The following SLC9B2 variants were observed in gnomAD, a reference collection of about 807,000 sequenced individuals.
SLC9B2 encodes the protein solute carrier family 9 member B2.
SLC9B2 carries 39 observed loss-of-function variants against 52.2 expected under a neutral mutation model. The observed-to-expected ratio is 0.75, with a 90% confidence interval of 0.58 to 0.98. SLC9B2 has a LOEUF of 0.98. Among genes scored for constraint, SLC9B2 ranks in the 50% least tolerant of loss-of-function variants. SLC9B2 has a pLI of 0.00. For missense variants in SLC9B2, 626 were observed against 637.5 expected (o/e 0.98, Z 0.19); for synonymous variants, 214 against 227.0 (o/e 0.94, Z 0.51).
intron 3 of SLC9B2, among the ~76,000 whole-genome samples, chr4:103,062,767 T>A (rs1745780661): frequency 6.6e-6 from 1 of 152,124 alleles, no homozygotes; most frequent in South Asian, 2.1e-4. Flanking sequence ...CCCACCACCA[T>A]GCATGGCTAA....
rs1013842675 is a variant in SLC9B2, at chr4:103,023,504, A to T, written c.*2866T>A. On this transcript the variant is annotated 3_prime_UTR_variant, in exon 12 of 12. Transcript: ENST00000394785. The stretch of plus-strand genomic sequence containing the variant: ...TGTGGTGACAAACCCCGGCCTTCAC[A>T]TGGTGAGCCCTGCTGAATGGTCAGC... 1.3e-5 allele frequency among the ~76,000 whole-genome samples: 2 copies of T among 152,224 alleles called. No individual in the cohort carries two copies. Among genetic ancestry groups the T allele is most frequent in the Non-Finnish European group, 1.5e-5 (1 of 68,038 alleles).
chr4:103,061,686 G>A (rs1175994671), intron 3 of SLC9B2, among the ~76,000 whole-genome samples: 1 of 152,106 alleles, frequency 6.6e-6, no homozygotes, highest in Non-Finnish European at 1.5e-5. Context: ...GTTCCCTGAG[G>A]TTTGGTAGAA....
intron 1 of SLC9B2, among the ~76,000 whole-genome samples, chr4:103,068,011 G>A (rs544658154): frequency 5.6e-4 from 85 of 152,242 alleles, no homozygotes; most frequent in African/African-American, 2.0e-3. Flanking sequence ...CCTTTTCGGA[G>A]AATCTAGAGT....
At chr4:103,072,825 C>T (rs1037394289) in intron 1 of SLC9B2, among the ~76,000 whole-genome samples, 8 of 151,984 alleles carry the variant, frequency 5.3e-5, no homozygotes, top group African/African-American at 1.7e-4. Context: ...TGTTTGTGTC[C>T]CTCCAAAATT....
At chr4:103,049,065 T>G (rs1578460408) in intron 5 of SLC9B2, 45 bp from the exon 6 acceptor site, 1 of 1,599,244 alleles carries the variant, frequency 6.3e-7, no homozygotes, top group Non-Finnish European at 8.5e-7. Flanking sequence ...TCTGAAGATG[T>G]GCAGAGAAGA....
chr4:103,020,358 C>A (rs932169763), downstream of SLC9B2: 2 of 446,722 alleles, frequency 4.5e-6, no homozygotes, highest in Admixed American at 5.0e-5. Context: ...GCCTTTCAGT[C>A]CCAAAGTTTC....
chr4:103,073,141 A>G (rs1746815648), intron 1 of SLC9B2, among the ~76,000 whole-genome samples: 1 of 152,234 alleles, frequency 6.6e-6, no homozygotes, highest in Non-Finnish European at 1.5e-5. Context: ...CAGAACTGTG[A>G]GAAATAAATT....
rs1742435663 is a variant in SLC9B2, at chr4:103,028,752, C to A, written c.1387G>T (p.Val463Phe). ...ISFAWLPKAT[V>F]QAAIGSVALD... ...AGCCATCCTATCCATCATACCTGAA[C>A]TGTGGCCTTTGGAAGCCATGCAAAA... Residue 463 changes from valine to phenylalanine, a missense_variant, in exon 11 of 12, where the codon GTT (valine) becomes TTT (phenylalanine). Transcript: ENST00000394785. 1 of 1,607,984 alleles carries A rather than the reference C, an allele frequency of 6.2e-7. No individual in the cohort carries two copies. The highest frequency in any genetic ancestry group is 8.5e-7 in the Non-Finnish European group (1 of 1,177,962).
At position 103,038,288 on chromosome 4, in the gene SLC9B2, C is replaced by T. The variant is rs188418326; in HGVS notation, c.1146+5008G>A. Among the ~76,000 whole-genome samples the T allele has an allele frequency of 2.6e-5, 4 of 152,244 alleles. No individual in the cohort carries two copies. The East Asian group carries it at 7.7e-4, about 29-fold the overall frequency. ...GAAGTCCTCAAATGTGTTTCATATA[C>T]TCAGAATACAAATGAAAGTAGGACT... On this transcript the variant is annotated intron_variant, in intron 9 of 11. Transcript: ENST00000394785.
Position 103,047,240 on chromosome 4 carries a change from A to G in SLC9B2, c.714-14T>C. ...CCTAAAACAAAACTAGGCAGACAGC[A>G]TTTTAAACATTTATGATAACATCTT... On this transcript the variant is annotated splice_polypyrimidine_tract_variant and intron_variant, in intron 6 of 11. Coordinates refer to ENST00000394785, the MANE Select transcript of SLC9B2 (RefSeq NM_178833.7). 1 of 1,597,124 alleles carries G rather than the reference A, an allele frequency of 6.3e-7. No homozygotes were observed. The highest frequency in any genetic ancestry group is 8.5e-7 in the Non-Finnish European group (1 of 1,170,106).
At position 103,026,602 on chromosome 4, in the gene SLC9B2, T is replaced by C. The variant is rs745811652; in HGVS notation, c.1393-11A>G. ...AGATCCTATTGCAGCCTATAAAAGT[T>C]TAAGGGTAAAAATGGAATCATGATA... On this transcript the variant is annotated splice_polypyrimidine_tract_variant and intron_variant, in intron 11 of 11. Transcript: ENST00000394785. 1.9e-6 allele frequency: 3 copies of C among 1,597,722 alleles called. No individual in the cohort carries two copies. The South Asian group carries it at 3.4e-5, about 18-fold the overall frequency.
At chr4:103,050,161 G>A in intron 5 of SLC9B2, 79 bp downstream of exon 5, 1 of 1,272,338 alleles carries the variant, frequency 7.9e-7, no homozygotes, top group Non-Finnish European at 1.0e-6. Context: ...ATTTCCTAAT[G>A]CTTAGTGATT....
chr4:103,062,467 C>A (rs1439673929), intron 3 of SLC9B2, among the ~76,000 whole-genome samples: 1 of 151,600 alleles, frequency 6.6e-6, no homozygotes, highest in Non-Finnish European at 1.5e-5. Context: ...TTAAAAAAAT[C>A]TCTCTTTCCC....
At chr4:103,031,542 T>A (rs1269937450) in intron 10 of SLC9B2, among the ~76,000 whole-genome samples, 158 bp downstream of exon 10, 1 of 152,114 alleles carries the variant, frequency 6.6e-6, no homozygotes, top group Non-Finnish European at 1.5e-5. Context: ...TCTAAAAAAC[T>A]TACATCATAA....
At chr4:103,020,385 G>A (rs1234120876), downstream of SLC9B2, 2 of 434,100 alleles carry the variant, frequency 4.6e-6, no homozygotes, top group Admixed American at 2.8e-5. Flanking sequence ...TAGAATCCGC[G>A]CTTCCTATAA....
In SLC9B2 at chr4:103,023,506, G is replaced by C. The variant is rs1741952306; in HGVS notation, c.*2864C>G. ...TGGTGACAAACCCCGGCCTTCACAT[G>C]GTGAGCCCTGCTGAATGGTCAGCCT... On this transcript the variant is annotated 3_prime_UTR_variant, in exon 12 of 12. Coordinates refer to ENST00000394785, the MANE Select transcript of SLC9B2 (RefSeq NM_178833.7). 6.6e-6 allele frequency among the ~76,000 whole-genome samples: 1 copy of C among 152,156 alleles called. No individual in the cohort carries two copies. The highest frequency in any genetic ancestry group is 2.4e-5 in the African/African-American group (1 of 41,422).
intron 1 of SLC9B2, among the ~76,000 whole-genome samples, 196 bp downstream of exon 1, chr4:103,075,988 C>G (rs1747102253): frequency 6.6e-6 from 1 of 152,202 alleles, no homozygotes. Context: ...TCTGGTTAAT[C>G]TGAGAACTAA....
At chr4:103,050,066 A>G (rs2110620203) in intron 5 of SLC9B2, among the ~76,000 whole-genome samples, 174 bp downstream of exon 5, 1 of 152,188 alleles carries the variant, frequency 6.6e-6, no homozygotes, top group East Asian at 1.9e-4. Context: ...ATTGCAAACC[A>G]CAACAAGGTC....
intron 9 of SLC9B2, among the ~76,000 whole-genome samples, chr4:103,032,364 C>T (rs1228115615): frequency 1.3e-5 from 2 of 152,202 alleles, no homozygotes; most frequent in Non-Finnish European, 1.5e-5. Context: ...TCAAATCACG[C>T]ACAAAAATAA....
Sources: allele counts gnomAD v4.1 joint callset (sites outside exome capture counted in the v4.1 genomes callset), GRCh38; gene constraint gnomAD v4.1.1; transcripts MANE v1.5; gene names NCBI Gene and HGNC (gene_info 2026-07-23, HGNC 2026-07-21).